Variants in N4BP2 observed in about 807,000 individuals in gnomAD.
N4BP2 encodes NEDD4-binding protein 2.
N4BP2 carries 91 observed loss-of-function variants against 152.8 expected under a neutral mutation model. That is an observed-to-expected ratio of 0.60 (90% CI 0.50 to 0.71). N4BP2 has a LOEUF of 0.71. Among genes scored for constraint, N4BP2 ranks in the 30% least tolerant of loss-of-function variants. The probability of loss-of-function intolerance (pLI) is 0.00; values close to 1 mark genes in which losing one functional copy is unlikely to be tolerated. For missense variants in N4BP2, 1,923 were observed against 2,059.1 expected, an observed-to-expected ratio of 0.93 and a Z score of 1.28; for synonymous variants, 646 against 705.3, an observed-to-expected ratio of 0.92 and a Z score of 1.33.
At chr4:40,091,278 G>T (rs149738462) in intron 2 of N4BP2, among the ~76,000 whole-genome samples, 10 of 151,916 alleles carry the variant, frequency 6.6e-5, no homozygotes, top group Non-Finnish European at 1.3e-4. Flanking sequence ...TATTTCATGA[G>T]CTAGAACTTC....
the N4BP2 span, among the ~76,000 whole-genome samples, chr4:40,184,102 CT>C: frequency 6.6e-6 from 1 of 152,184 alleles, no homozygotes; most frequent in Non-Finnish European, 1.5e-5. Context: ...GATTCACCCC[CT>C]GGAACAGAAC....
chr4:40,066,766 C>T (rs1228723673), intron 1 of N4BP2, among the ~76,000 whole-genome samples: 1 of 152,142 alleles, frequency 6.6e-6, no homozygotes, highest in African/African-American at 2.4e-5. Flanking sequence ...ATCTTAACCA[C>T]TTTTAAGAGT....
intron 14 of N4BP2, chr4:40,142,207 T>C (rs555154308): frequency 9.9e-4 from 245 of 247,836 alleles, no homozygotes; most frequent in South Asian, 4.5e-3. Flanking sequence ...TCTGCACTTA[T>C]TCTCTTAAAT....
At chr4:40,125,132 C>T (rs929042461) in intron 11 of N4BP2, among the ~76,000 whole-genome samples, 5 of 152,136 alleles carry the variant, frequency 3.3e-5, no homozygotes, top group Non-Finnish European at 5.9e-5. Context: ...TCTTAGGATC[C>T]ACTTTGGTCC....
intron 14 of N4BP2, among the ~76,000 whole-genome samples, chr4:40,139,561 G>C (rs564474551): frequency 1.1e-3 from 148 of 140,722 alleles, no homozygotes; most frequent in African/African-American, 3.8e-3. Flanking sequence ...GCGCGATCTC[G>C]GCTCACTGCA....
At chr4:40,187,938 C>T in the N4BP2 span, among the ~76,000 whole-genome samples, 1 of 152,114 alleles carries the variant, frequency 6.6e-6, no homozygotes, top group Non-Finnish European at 1.5e-5. Flanking sequence ...TTACAGGCAT[C>T]TTAGGAATAA....
chr4:40,131,780 A>C (rs761781833), intron 12 of N4BP2, 21 bp from the exon 13 acceptor site: 1 of 1,557,488 alleles, frequency 6.4e-7, no homozygotes. Flanking sequence ...CTTGAACATG[A>C]TTTTTATGTT....
chr4:40,138,734 G>T (rs1315851066), intron 14 of N4BP2, among the ~76,000 whole-genome samples: 1 of 152,178 alleles, frequency 6.6e-6, no homozygotes, highest in Non-Finnish European at 1.5e-5. Flanking sequence ...TTTATTGCTG[G>T]ACTCCTAATT....
At chr4:40,143,139 GAATATT>G (rs1487056870) in intron 15 of N4BP2, among the ~76,000 whole-genome samples, 1 of 152,134 alleles carries the variant, frequency 6.6e-6, no homozygotes, top group Non-Finnish European at 1.5e-5. Flanking sequence ...TCTGGCAGCA[GAATATT>G]AATATTGGCC....
the N4BP2 span, among the ~76,000 whole-genome samples, chr4:40,186,127 C>T: frequency 1.3e-5 from 2 of 152,234 alleles, no homozygotes; most frequent in East Asian, 3.9e-4. Flanking sequence ...GCAAAAGCCT[C>T]TGGAATCCCT....
intron 1 of N4BP2, among the ~76,000 whole-genome samples, chr4:40,066,245 C>T (rs1734034427): frequency 6.8e-6 from 1 of 146,696 alleles, no homozygotes; most frequent in Non-Finnish European, 1.5e-5. Flanking sequence ...TTTCAGGGGA[C>T]CCAGAGTTAA....
chr4:40,121,600 T>G lies in N4BP2; in HGVS notation c.3489T>G (p.Ile1163Met), dbSNP rs371314742. Residue 1163 changes from isoleucine to methionine, a missense_variant, in exon 9 of 18, where the codon ATT becomes ATG. Ile to Met is a conservative substitution (Grantham distance 10, BLOSUM62 1). Coordinates refer to ENST00000261435, the MANE Select transcript of N4BP2 (RefSeq NM_018177.6). ...TGGGGTTGAATTTGAAAGAAATTAT[T>G]AGCCAAAGAGGAACTTTAGAGAATT... Reference protein sequence around the residue: ...FSLGLNLKEIISQRGTLENSN... With the variant: ...FSLGLNLKEIMSQRGTLENSN... 5 of 1,614,160 alleles carry G rather than the reference T, an allele frequency of 3.1e-6. No homozygotes were observed. In the Admixed American group the frequency reaches 8.3e-5, roughly 27 times the overall value.
intron 14 of N4BP2, among the ~76,000 whole-genome samples, chr4:40,138,114 C>T (rs979196486): frequency 2.0e-5 from 3 of 152,152 alleles, no homozygotes; most frequent in Non-Finnish European, 2.9e-5. Context: ...TGGCAGAATA[C>T]AGAAAATAAA....
intron 5 of N4BP2, among the ~76,000 whole-genome samples, chr4:40,109,844 C>A (rs1050495992): frequency 2.0e-5 from 3 of 152,108 alleles, no homozygotes; most frequent in African/African-American, 7.2e-5. Flanking sequence ...TACAAATCAT[C>A]CATTTAAATT....
Position 40,102,300 on chromosome 4 carries a change from A to G in N4BP2, c.455A>G (p.Lys152Arg). 6.2e-7 allele frequency: 1 copy of G among 1,613,010 alleles called. No homozygotes were observed. Among genetic ancestry groups the G allele is most frequent in the Non-Finnish European group, 8.5e-7 (1 of 1,179,598 alleles). ...LDSLIQNAFEKLNSSPDDQVY... is the reference protein window; with the variant it reads ...LDSLIQNAFERLNSSPDDQVY... Reference sequence around the variant, plus strand: ...TCCTTAATACAGAATGCTTTTGAGAAATTGAACTCTTCTCCTGATGACCAA... The same window carrying G: ...TCCTTAATACAGAATGCTTTTGAGAGATTGAACTCTTCTCCTGATGACCAA... Residue 152 changes from lysine to arginine, a missense_variant, in exon 4 of 18, where the codon AAA (lysine) becomes AGA (arginine). By Grantham distance (26) the Lys-to-Arg change is conservative. Coordinates refer to ENST00000261435, the MANE Select transcript of N4BP2 (RefSeq NM_018177.6).
chr4:40,097,484 A>G lies in N4BP2; in HGVS notation c.144A>G (p.Glu48=), dbSNP rs1467393429. Residue 48 remains glutamate, a synonymous_variant, in exon 3 of 18, where the codon GAA becomes GAG. Transcript: ENST00000261435. ...TGGGTGAGACAAAAGTTGATCAGGA[A>G]GAACTCTTCACCAGTATCTCAGAGA... ...PSMGETKVDQ[E]ELFTSISEIF... is the part of the protein sequence containing the mutation. The G allele has an allele frequency of 1.2e-6, 2 of 1,614,094 alleles. No individual in the cohort carries two copies. The highest frequency in any genetic ancestry group is 1.3e-5 in the African/African-American group (1 of 75,062).
chr4:40,184,892 G>C, the N4BP2 span, among the ~76,000 whole-genome samples: 1 of 152,000 alleles, frequency 6.6e-6, no homozygotes, highest in African/African-American at 2.4e-5. Flanking sequence ...GGAGGCGGAG[G>C]TTGCAGTGAG....
chr4:40,162,052 C>G (rs1467766211), downstream of N4BP2, among the ~76,000 whole-genome samples: 5 of 152,292 alleles, frequency 3.3e-5, no homozygotes, highest in African/African-American at 4.8e-5. Flanking sequence ...ATGAGCCGTA[C>G]CAGTGGATAG....
chr4:40,059,517 C>T (rs1168313065), intron 1 of N4BP2, among the ~76,000 whole-genome samples: 1 of 151,896 alleles, frequency 6.6e-6, no homozygotes, highest in East Asian at 1.9e-4. Context: ...ACCTGGCTAA[C>T]TTCTGTATTT....
Sources: allele counts gnomAD v4.1 joint callset (sites outside exome capture counted in the v4.1 genomes callset), GRCh38; gene constraint gnomAD v4.1.1; transcripts MANE v1.5; gene names NCBI Gene and HGNC (gene_info 2026-07-23, HGNC 2026-07-21).